The following SLC24A2 variants were observed in gnomAD, a reference collection of about 807,000 sequenced individuals.
SLC24A2 encodes solute carrier family 24 member 2.
A neutral mutation model predicts 62.0 loss-of-function variants in SLC24A2; 36 were observed. That is an observed-to-expected ratio of 0.58 (90% CI 0.44 to 0.77). The LOEUF is 0.77. Ranked by LOEUF, SLC24A2 falls within the 30% of genes least tolerant of loss-of-function variation. SLC24A2 has a pLI of 0.00. For missense variants in SLC24A2, 846 were observed against 817.9 expected, an observed-to-expected ratio of 1.03 and a Z score of -0.42; for synonymous variants, 358 against 294.0, an observed-to-expected ratio of 1.22 and a Z score of -2.23.
At chr9:19,580,606 G>C (rs1836174580) in intron 5 of SLC24A2, among the ~76,000 whole-genome samples, 1 of 152,226 alleles carries the variant, frequency 6.6e-6, no homozygotes, top group Non-Finnish European at 1.5e-5. Context: ...TCATTCCCAA[G>C]TCACAAACTG....
chr9:20,036,665 T>G, the SLC24A2 span, among the ~76,000 whole-genome samples: 2 of 152,164 alleles, frequency 1.3e-5, no homozygotes, highest in Non-Finnish European at 2.9e-5. Context: ...ATGACAAAAT[T>G]TCTTCCTTTT....
At chr9:19,848,508 T>G in the SLC24A2 span, among the ~76,000 whole-genome samples, 1 of 152,196 alleles carries the variant, frequency 6.6e-6, no homozygotes, top group Non-Finnish European at 1.5e-5. Context: ...ATAAATGATA[T>G]GTATAGTATA....
chr9:20,281,277 C>G, the SLC24A2 span, among the ~76,000 whole-genome samples: 1 of 152,150 alleles, frequency 6.6e-6, no homozygotes, highest in Non-Finnish European at 1.5e-5. Flanking sequence ...CACTCTTTAT[C>G]TTATTTATAC....
At chr9:19,547,943 G>A (rs1391674579) in intron 8 of SLC24A2, among the ~76,000 whole-genome samples, 7 of 151,682 alleles carry the variant, frequency 4.6e-5, no homozygotes, top group Admixed American at 2.0e-4. Context: ...TGGGTTTTCA[G>A]GAAGCCAGGC....
the SLC24A2 span, among the ~76,000 whole-genome samples, chr9:20,240,252 C>T: frequency 6.6e-6 from 1 of 152,172 alleles, no homozygotes; most frequent in Non-Finnish European, 1.5e-5. Flanking sequence ...CTTAATTCAC[C>T]TATTTGTTTT....
At chr9:19,871,965 T>C in the SLC24A2 span, among the ~76,000 whole-genome samples, 21 of 152,132 alleles carry the variant, frequency 1.4e-4, no homozygotes, top group Admixed American at 1.4e-3. Context: ...GTGGTCTTCT[T>C]TGGTTTGGTC....
the SLC24A2 span, among the ~76,000 whole-genome samples, chr9:19,816,825 T>A: frequency 5.3e-5 from 8 of 151,708 alleles, no homozygotes; most frequent in East Asian, 1.2e-3. Flanking sequence ...AAACCATTCA[T>A]GAGAAACTCA....
the SLC24A2 span, among the ~76,000 whole-genome samples, chr9:20,125,184 T>C: frequency 6.6e-6 from 1 of 152,194 alleles, no homozygotes; most frequent in Non-Finnish European, 1.5e-5. Context: ...TATGATTATG[T>C]CCTCATGGAA....
At chr9:19,533,814 C>T (rs574357067) in intron 8 of SLC24A2, among the ~76,000 whole-genome samples, 2 of 152,194 alleles carry the variant, frequency 1.3e-5, no homozygotes, top group Admixed American at 6.5e-5. Context: ...ATAACTGATA[C>T]AAGGTCAAAT....
intron 7 of SLC24A2, among the ~76,000 whole-genome samples, chr9:19,553,336 G>A (rs1428897445): frequency 6.6e-6 from 1 of 152,162 alleles, no homozygotes. Flanking sequence ...TGCTGGCTTT[G>A]ACCTTGTGAC....
At chr9:19,643,671 A>G (rs1366756178) in intron 2 of SLC24A2, among the ~76,000 whole-genome samples, 1 of 152,228 alleles carries the variant, frequency 6.6e-6, no homozygotes, top group Non-Finnish European at 1.5e-5. Flanking sequence ...TCTGTAACAT[A>G]TATTTACTCA....
chr9:20,265,234 C>A, the SLC24A2 span, among the ~76,000 whole-genome samples: 1 of 152,182 alleles, frequency 6.6e-6, no homozygotes, highest in African/African-American at 2.4e-5. Context: ...CAGACACAGT[C>A]TACTGTGTGG....
chr9:20,061,858 G>A, the SLC24A2 span, among the ~76,000 whole-genome samples: 2 of 151,906 alleles, frequency 1.3e-5, no homozygotes, highest in Admixed American at 1.3e-4. Context: ...AAAATTAAGA[G>A]TGCTTCAGAA....
At chr9:19,697,249 C>T (rs1820219482) in intron 2 of SLC24A2, among the ~76,000 whole-genome samples, 1 of 152,096 alleles carries the variant, frequency 6.6e-6, no homozygotes, top group South Asian at 2.1e-4. Context: ...CATATGGACA[C>T]ATGGTGGGGA....
At chr9:20,268,105 C>G in the SLC24A2 span, among the ~76,000 whole-genome samples, 1 of 152,180 alleles carries the variant, frequency 6.6e-6, no homozygotes, top group African/African-American at 2.4e-5. Flanking sequence ...AAGTGAACTA[C>G]CTTAGCCACA....
At chr9:19,719,913 A>G (rs1356322421) in intron 2 of SLC24A2, among the ~76,000 whole-genome samples, 1 of 152,204 alleles carries the variant, frequency 6.6e-6, no homozygotes, top group African/African-American at 2.4e-5. Context: ...TGTGATTGCA[A>G]GCAAACCACA....
the SLC24A2 span, among the ~76,000 whole-genome samples, chr9:20,003,209 C>T: frequency 1.2e-4 from 18 of 152,248 alleles, 1 homozygote; most frequent in African/African-American, 4.1e-4. Flanking sequence ...AACACTTGAA[C>T]ACGTAACACA....
rs1832655922 is a variant in SLC24A2, at chr9:19,509,966, G to A, written c.*6187C>T. On this transcript the variant is annotated 3_prime_UTR_variant, in exon 11 of 11. Coordinates refer to ENST00000341998, the MANE Select transcript of SLC24A2 (RefSeq NM_020344.4). ...AAGGATATAAACACACTGCAGTACT[G>A]GTTAATAAGTGGAGATCCAATCATT... 1 of 152,068 alleles carries A rather than the reference G, an allele frequency of 6.6e-6. No homozygotes were observed. The highest frequency in any genetic ancestry group is 2.4e-5 in the African/African-American group (1 of 41,406). The allele number at this position is 152,068 out of a possible 1,614,324, so 9.4% of individuals were successfully genotyped here. A position where few individuals can be genotyped will look rare whatever the true frequency, so the allele number is the denominator to read the frequency against.
chr9:19,826,414 G>C, the SLC24A2 span, among the ~76,000 whole-genome samples: 1 of 152,054 alleles, frequency 6.6e-6, no homozygotes, highest in African/African-American at 2.4e-5. Flanking sequence ...ATTTGTGAGA[G>C]AATAGAGAAA....
Sources: allele counts gnomAD v4.1 joint callset (sites outside exome capture counted in the v4.1 genomes callset), GRCh38; gene constraint gnomAD v4.1.1; transcripts MANE v1.5; gene names NCBI Gene and HGNC (gene_info 2026-07-23, HGNC 2026-07-21).